Variants in RSPRY1 observed in about 807,000 individuals in gnomAD.
RSPRY1 encodes ring finger and SPRY domain containing 1.
Under a neutral mutation model 73.1 loss-of-function variants are expected in RSPRY1, and 23 were observed. The ratio of observed to expected loss-of-function variants is 0.31; its 90% confidence interval spans 0.23 to 0.45. The LOEUF is 0.45. Among genes scored for constraint, RSPRY1 ranks in the 20% least tolerant of loss-of-function variants. The pLI, the probability that RSPRY1 is intolerant of heterozygous loss-of-function variation, is 1.00. For synonymous variants in RSPRY1, 226 were observed against 251.4 expected (o/e 0.90, Z 0.95); for missense variants, 448 against 698.7 (o/e 0.64, Z 4.05).
intron 1 of RSPRY1, chr16:57,186,860 G>A (rs530222869): frequency 6.6e-6 from 1 of 152,368 alleles, no homozygotes; most frequent in Admixed American, 6.5e-5. Context: ...GGGTGCCCGG[G>A]ATAGAAAGGG....
intron 1 of RSPRY1, among the ~76,000 whole-genome samples, chr16:57,189,045 G>A (rs963389919): frequency 1.4e-5 from 2 of 147,056 alleles, no homozygotes. Flanking sequence ...TCAGGCTGGA[G>A]TGCAATGGCG....
At chr16:57,200,702 G>A (rs1177167079) in intron 1 of RSPRY1, among the ~76,000 whole-genome samples, 9 of 136,252 alleles carry the variant, frequency 6.6e-5, no homozygotes, top group Non-Finnish European at 9.6e-5. Context: ...CGGCTGGCCG[G>A]GCAGAGGGGC....
At chr16:57,202,846 C>T (rs1301012769) in intron 1 of RSPRY1, among the ~76,000 whole-genome samples, 1 of 143,476 alleles carries the variant, frequency 7.0e-6, no homozygotes, top group Non-Finnish European at 1.5e-5. Context: ...CCTTTGCCTC[C>T]TCCCTCTTTA....
In RSPRY1 at chr16:57,186,373, C is replaced by A. The variant is rs532163334; in HGVS notation, c.-234C>A. On this transcript the variant is annotated 5_prime_UTR_variant, in exon 1 of 15. Transcript: ENST00000394420. ...GCCGTGGCCTCGCGTCCATCTTTGC[C>A]GTTCTCTCGGACCTGTCACAAAGGA... The A allele has an allele frequency of 6.0e-6, 1 of 167,826 alleles. No homozygotes were observed. The highest frequency in any genetic ancestry group is 1.7e-4 in the South Asian group (1 of 5,832). 10.4% of individuals were successfully genotyped at this position (167,826 alleles called of 1,614,324 possible). A position where few individuals can be genotyped will look rare whatever the true frequency, so the allele number is the denominator to read the frequency against.
At chr16:57,227,523 C>A in intron 11 of RSPRY1, 70 bp downstream of exon 11, 1 of 1,063,138 alleles carries the variant, frequency 9.4e-7, no homozygotes, top group Non-Finnish European at 1.5e-6. Flanking sequence ...GCATTTATTA[C>A]ATTAAGCCTT....
chr16:57,232,458 CTTGGTGCCTGACAGAGATTCTGAACT>C (rs1597930542), intron 13 of RSPRY1, among the ~76,000 whole-genome samples: 1 of 152,182 alleles, frequency 6.6e-6, no homozygotes, highest in East Asian at 1.9e-4. Context: ...CAGGCTCATC[CTTGGTGCCTGACAGAGATTCTGAACT>C]TTAAATTCCT....
rs115919665 is a variant in RSPRY1, at chr16:57,198,864, G to A, written c.-155-5640G>A. On this transcript the variant is annotated intron_variant, in intron 1 of 14. Coordinates refer to ENST00000394420, the MANE Select transcript of RSPRY1 (RefSeq NM_133368.3). ...GCAGCCAGTGGAGTTCCCCTCTGCTGTGGCAATGTTGACACCACAGATCAT... is the reference window on the plus strand; with the variant it reads ...GCAGCCAGTGGAGTTCCCCTCTGCTATGGCAATGTTGACACCACAGATCAT... Among the ~76,000 whole-genome samples the A allele has an allele frequency of 2.1e-3, 327 of 152,332 alleles. 2 individuals are homozygous for A. Among genetic ancestry groups the A allele is most frequent in the African/African-American group, 7.5e-3 (310 of 41,582 alleles).
At chr16:57,215,664 A>T (rs1381373020) in intron 6 of RSPRY1, among the ~76,000 whole-genome samples, 2 of 152,232 alleles carry the variant, frequency 1.3e-5, no homozygotes, top group East Asian at 3.8e-4. Flanking sequence ...TGTTAATTTA[A>T]TTATTTATAA....
At chr16:57,209,642 C>T (rs1204983931) in intron 4 of RSPRY1, among the ~76,000 whole-genome samples, 2 of 152,036 alleles carry the variant, frequency 1.3e-5, no homozygotes, top group African/African-American at 2.4e-5. Flanking sequence ...GCTGGGACTA[C>T]AGGCATGAGC....
At chr16:57,209,899 C>T (rs773694744) in intron 4 of RSPRY1, among the ~76,000 whole-genome samples, 2 of 151,924 alleles carry the variant, frequency 1.3e-5, no homozygotes, top group Non-Finnish European at 2.9e-5. Flanking sequence ...GGTCTTGAAA[C>T]TCCTGGGCTC....
intron 1 of RSPRY1, among the ~76,000 whole-genome samples, chr16:57,191,614 A>G (rs1460463107): frequency 6.6e-6 from 1 of 151,972 alleles, no homozygotes; most frequent in African/African-American, 2.4e-5. Flanking sequence ...TTTTTATTAG[A>G]ATTTTTATTT....
chr16:57,224,191 T>G (rs2075085237), intron 10 of RSPRY1, among the ~76,000 whole-genome samples: 1 of 152,224 alleles, frequency 6.6e-6, no homozygotes, highest in African/African-American at 2.4e-5. Flanking sequence ...CTGGCCAGCA[T>G]GCAGCCACCA....
rs928565971 is a variant in RSPRY1, at chr16:57,203,723, C to T, written c.-155-781C>T. 2.0e-5 allele frequency among the ~76,000 whole-genome samples: 3 copies of T among 152,278 alleles called. No individual in the cohort carries two copies. The South Asian group carries it at 6.2e-4, about 32-fold the overall frequency. ...CTTACTCATCTTTATTCTCCTAGTC[C>T]AGCGTGGTACCTGGCACAAGGTCCT... is the stretch of plus-strand genomic sequence containing the variant. On this transcript the variant is annotated intron_variant, in intron 1 of 14. Coordinates refer to ENST00000394420, the MANE Select transcript of RSPRY1 (RefSeq NM_133368.3).
In RSPRY1 at chr16:57,235,121, C is replaced by A. The variant is rs1384071935; in HGVS notation, c.1530-3C>A. ...TGTATTTCAAATTGCTTTTTCTACTCAGGCACAGGCGTCTTGCTCTGTTGA... is the reference window on the plus strand; with the variant it reads ...TGTATTTCAAATTGCTTTTTCTACTAAGGCACAGGCGTCTTGCTCTGTTGA... On this transcript the variant is annotated splice_region_variant and splice_polypyrimidine_tract_variant and intron_variant, in intron 13 of 14. Transcript: ENST00000394420. 9 of 1,612,112 alleles carry A rather than the reference C, an allele frequency of 5.6e-6. No individual in the cohort carries two copies. Among genetic ancestry groups the A allele is most frequent in the Non-Finnish European group, 6.8e-6 (8 of 1,178,562 alleles).
chr16:57,192,413 A>G (rs780311984), intron 1 of RSPRY1, among the ~76,000 whole-genome samples: 3 of 152,092 alleles, frequency 2.0e-5, no homozygotes, highest in Non-Finnish European at 4.4e-5. Context: ...ATTTACCTCA[A>G]TTCTTCCTTA....
Position 57,204,578 on chromosome 16 carries a change from C to T in RSPRY1, c.-81C>T. On this transcript the variant is annotated 5_prime_UTR_variant, in exon 2 of 15. The change creates a premature stop within an existing upstream ORF in the 5' untranslated region. Transcript: ENST00000394420. The stretch of plus-strand genomic sequence containing the variant: ...AAGCTCTGCAACTTTCTTTGGCATT[C>T]AGTTGTTAAAAACAAATAGGATGCA... 7.9e-7 allele frequency: 1 copy of T among 1,260,954 alleles called. No individual in the cohort carries two copies. The highest frequency in any genetic ancestry group is 1.1e-6 in the Non-Finnish European group (1 of 890,668). The allele number at this position is 1,260,954 out of a possible 1,614,324, so 78.1% of individuals were successfully genotyped here. A position where few individuals can be genotyped will look rare whatever the true frequency, so the allele number is the denominator to read the frequency against.
chr16:57,205,838 A>G (rs1407894399), intron 2 of RSPRY1, among the ~76,000 whole-genome samples: 1 of 152,240 alleles, frequency 6.6e-6, no homozygotes, highest in African/African-American at 2.4e-5. Flanking sequence ...GATAATGTAC[A>G]TAAGGCATTC....
At position 57,218,896 on chromosome 16, in the gene RSPRY1, C is replaced by T. The variant is rs574717545; in HGVS notation, c.902-1836C>T. On this transcript the variant is annotated intron_variant, in intron 8 of 14. Transcript: ENST00000394420. ...GACTACAGGCGCCCGCCACTACGCC[C>T]GGCTAATTTTTTTGTATTTTTAGTA... Among the ~76,000 whole-genome samples the T allele has an allele frequency of 5.7e-5, 8 of 141,348 alleles. 1 individual carries two copies. The highest frequency in any genetic ancestry group is 1.1e-4 in the Non-Finnish European group (7 of 65,854). 92.7% of individuals were successfully genotyped at this position (141,348 alleles called of 152,430 possible).
intron 2 of RSPRY1, among the ~76,000 whole-genome samples, chr16:57,206,964 A>G (rs2074738050): frequency 6.6e-6 from 1 of 152,172 alleles, no homozygotes. Flanking sequence ...TAAATCTACA[A>G]CTGCTTCTGA....
Sources: gnomAD v4.1 joint callset for allele counts (sites outside exome capture counted in the v4.1 genomes callset) on GRCh38, gnomAD v4.1.1 for gene constraint, MANE v1.5 for transcripts, NCBI Gene and HGNC (gene_info 2026-07-23, HGNC 2026-07-21) for gene names.